TMEM74: variants seen among roughly 807,000 people sequenced by gnomAD.
The protein encoded by TMEM74 is transmembrane protein 74.
A neutral mutation model predicts 18.1 loss-of-function variants in TMEM74; 13 were observed. The ratio of observed to expected loss-of-function variants is 0.72; its 90% CI spans 0.47 to 1.14. The LOEUF is 1.14. Among genes scored for constraint, TMEM74 ranks in the 50% most tolerant of loss-of-function variants. The probability of loss-of-function intolerance (pLI) is 0.00; values close to 1 mark genes in which losing one functional copy is unlikely to be tolerated. For missense variants in TMEM74, 372 were observed against 375.9 expected (o/e 0.99, Z 0.09); for synonymous variants, 159 against 146.6 (o/e 1.08, Z -0.61).
At chr8:108,742,896 A>T (rs1378567069) in intron 1 of TMEM74, among the ~76,000 whole-genome samples, 1 of 152,222 alleles carries the variant, frequency 6.6e-6, no homozygotes, top group African/African-American at 2.4e-5. Context: ...AATATGAGTT[A>T]CTATTATTAA....
chr8:108,609,767 G>A (rs1238425959), intron 2 of TMEM74, among the ~76,000 whole-genome samples: 1 of 152,220 alleles, frequency 6.6e-6, no homozygotes, highest in East Asian at 1.9e-4. Flanking sequence ...AAGGAAGAAT[G>A]TGAGGGTCAA....
intron 1 of TMEM74, among the ~76,000 whole-genome samples, chr8:108,698,905 A>G (rs992424054): frequency 6.6e-6 from 1 of 152,200 alleles, no homozygotes; most frequent in African/African-American, 2.4e-5. Flanking sequence ...ATTCATGGAA[A>G]ACAATCTTGG....
At chr8:108,736,983 A>G (rs1813755397) in intron 1 of TMEM74, among the ~76,000 whole-genome samples, 1 of 152,184 alleles carries the variant, frequency 6.6e-6, no homozygotes, top group South Asian at 2.1e-4. Flanking sequence ...AGATTGTTTC[A>G]AACTATTCCT....
intron 1 of TMEM74, among the ~76,000 whole-genome samples, chr8:108,758,670 A>G (rs75445428): frequency 0.05 from 7,658 of 152,144 alleles, 637 homozygotes; most frequent in African/African-American, 0.17. Flanking sequence ...ACCTGAAGAT[A>G]CTCACACCCT....
rs905661954 is a variant in TMEM74 at position 108,762,671 on chromosome 8, G to T, written n.119+24805C>A. Reference sequence around the variant, plus strand: ...TATCTCCCCATCTTTTTCCTTTCTTGTACCTATCATTAATTCGAATGGTAC... The same window carrying T: ...TATCTCCCCATCTTTTTCCTTTCTTTTACCTATCATTAATTCGAATGGTAC... On this transcript the variant is annotated intron_variant and non_coding_transcript_variant, in intron 1 of 3. Transcript: ENST00000518838. Among the ~76,000 whole-genome samples, 4 of 151,786 alleles carry T rather than the reference G, an allele frequency of 2.6e-5. No homozygotes were observed. The East Asian group carries it at 7.8e-4, about 30-fold the overall frequency.
At chr8:108,642,378 C>T (rs1012631330) in intron 2 of TMEM74, among the ~76,000 whole-genome samples, 10 of 136,188 alleles carry the variant, frequency 7.3e-5, no homozygotes, top group South Asian at 2.3e-4. Flanking sequence ...CACCACAGAG[C>T]GAGACTCCAT....
intron 2 of TMEM74, chr8:108,652,656 A>C: frequency 1.6e-6 from 1 of 620,824 alleles, no homozygotes; most frequent in Non-Finnish European, 3.1e-6. Context: ...AGAAAGAAGA[A>C]AAGCCAATTG....
intron 1 of TMEM74, among the ~76,000 whole-genome samples, chr8:108,718,779 A>T (rs1813555175): frequency 1.3e-5 from 2 of 152,174 alleles, no homozygotes; most frequent in Non-Finnish European, 2.9e-5. Context: ...TATGTATGAA[A>T]TTTGAAACAT....
chr8:108,656,750 G>C (rs1812825006), intron 1 of TMEM74, among the ~76,000 whole-genome samples: 1 of 151,900 alleles, frequency 6.6e-6, no homozygotes, highest in Admixed American at 6.6e-5. Flanking sequence ...TTGCCATGTA[G>C]GTAACAAAAT....
At chr8:108,729,587 A>G (rs1277527412) in intron 1 of TMEM74, among the ~76,000 whole-genome samples, 1 of 152,334 alleles carries the variant, frequency 6.6e-6, no homozygotes, top group East Asian at 1.9e-4. Context: ...TTTTCAAAAG[A>G]TGTTCCTATA....
chr8:108,646,347 A>G (rs1462670117), intron 2 of TMEM74, among the ~76,000 whole-genome samples: 1 of 152,118 alleles, frequency 6.6e-6, no homozygotes, highest in Non-Finnish European at 1.5e-5. Flanking sequence ...CAATTAGCTA[A>G]ATGTTTTGTG....
intron 1 of TMEM74, among the ~76,000 whole-genome samples, chr8:108,666,571 A>G (rs1812951433): frequency 6.6e-6 from 1 of 152,186 alleles, no homozygotes; most frequent in Non-Finnish European, 1.5e-5. Flanking sequence ...GTAATCTACT[A>G]CAAGACTCAT....
In TMEM74 at chr8:108,785,059, C is replaced by G. The variant is rs765418361; in HGVS notation, c.40G>C (p.Asp14His). 6.2e-7 allele frequency: 1 copy of G among 1,612,404 alleles called. No individual in the cohort carries two copies. Among genetic ancestry groups the G allele is most frequent in the South Asian group, 1.1e-5 (1 of 90,756 alleles). The part of the protein sequence containing the change: ...HYLAKKSNQA[D>H]LCDARDWSSR... Reference sequence around the variant, plus strand: ...CTCCAGTCCCTGGCATCACAGAGGTCTGCCTGGTTGCTCTTCTTAGCAAGG... The same window carrying G: ...CTCCAGTCCCTGGCATCACAGAGGTGTGCCTGGTTGCTCTTCTTAGCAAGG... Residue 14 changes from aspartate to histidine, a missense_variant, in exon 2 of 2, where the codon GAC becomes CAC. By Grantham distance (81) the Asp-to-His change is moderately conservative. Transcript: ENST00000297459.
intron 1 of TMEM74, among the ~76,000 whole-genome samples, chr8:108,670,978 A>G (rs1812999945): frequency 6.6e-6 from 1 of 152,174 alleles, no homozygotes; most frequent in Non-Finnish European, 1.5e-5. Context: ...TGAGAATATC[A>G]TACCTATGCT....
At chr8:108,618,903 C>T (rs527723820) in intron 2 of TMEM74, among the ~76,000 whole-genome samples, 3 of 152,186 alleles carry the variant, frequency 2.0e-5, no homozygotes, top group South Asian at 4.1e-4. Flanking sequence ...CATCATTGCC[C>T]AGTACTTGTT....
At chr8:108,690,950 T>C (rs560873537) in intron 1 of TMEM74, among the ~76,000 whole-genome samples, 15 of 152,260 alleles carry the variant, frequency 9.9e-5, no homozygotes, top group African/African-American at 3.6e-4. Context: ...ACAAAGTTAA[T>C]GAGAGGATAG....
At chr8:108,739,929 G>A (rs868772537) in intron 1 of TMEM74, among the ~76,000 whole-genome samples, 6 of 152,136 alleles carry the variant, frequency 3.9e-5, no homozygotes, top group Non-Finnish European at 7.4e-5. Context: ...CATCGCAATC[G>A]TGGAGGCTGT....
intron 1 of TMEM74, among the ~76,000 whole-genome samples, chr8:108,681,605 T>G (rs1813116107): frequency 6.6e-6 from 1 of 152,108 alleles, no homozygotes. Context: ...TCTGGACCAC[T>G]CCAAGGAAAA....
intron 1 of TMEM74, among the ~76,000 whole-genome samples, chr8:108,684,157 T>C (rs1563525131): frequency 6.6e-6 from 1 of 152,226 alleles, no homozygotes; most frequent in Non-Finnish European, 1.5e-5. Flanking sequence ...GTCCCAATTG[T>C]AGTTTCTTGA....
Sources: allele counts gnomAD v4.1 joint callset (sites outside exome capture counted in the v4.1 genomes callset), GRCh38; gene constraint gnomAD v4.1.1; transcripts MANE v1.5; gene names NCBI Gene and HGNC (gene_info 2026-07-23, HGNC 2026-07-21).